PEAK1: variants seen among roughly 807,000 people sequenced by gnomAD.
The protein encoded by PEAK1 is pseudopodium enriched atypical kinase 1.
A neutral mutation model predicts 124.7 loss-of-function variants in PEAK1; 54 were observed. The observed-to-expected ratio is 0.43, with a 90% CI of 0.35 to 0.54. PEAK1 has a LOEUF of 0.54. Among genes scored for constraint, PEAK1 ranks in the 20% least tolerant of loss-of-function variants. The probability of loss-of-function intolerance (pLI) is 0.01; values close to 1 mark genes in which losing one functional copy is unlikely to be tolerated. For synonymous variants in PEAK1, 719 were observed against 760.0 expected, an observed-to-expected ratio of 0.95 and a Z score of 0.89; for missense variants, 2,046 against 2,134.5, an observed-to-expected ratio of 0.96 and a Z score of 0.82.
At position 77,113,555 on chromosome 15, in the gene PEAK1, T is replaced by C. The variant is rs2051109031; in HGVS notation, c.*601A>G. On this transcript the variant is annotated 3_prime_UTR_variant, in exon 10 of 10. Coordinates refer to ENST00000682557, the MANE Select transcript of PEAK1 (RefSeq NM_001385026.1). ...TACAGATAATGGCAATGAAAATGGGTCTATGACCCAAGGATGGGATCTCTC... is the reference window on the plus strand; with the variant it reads ...TACAGATAATGGCAATGAAAATGGGCCTATGACCCAAGGATGGGATCTCTC... The C allele has an allele frequency of 6.5e-6, 1 of 154,840 alleles. No homozygotes were observed. Among genetic ancestry groups the C allele is most frequent in the Non-Finnish European group, 1.4e-5 (1 of 69,822 alleles). The allele number at this position is 154,840 out of a possible 1,614,324, so 9.6% of individuals were successfully genotyped here.
intron 1 of PEAK1, among the ~76,000 whole-genome samples, chr15:77,371,756 C>G (rs2068657641): frequency 6.6e-6 from 1 of 152,152 alleles, no homozygotes; most frequent in South Asian, 2.1e-4. Flanking sequence ...GGTGCAGTGG[C>G]ACACACCTGT....
At chr15:77,389,937 T>G (rs533191133) in intron 1 of PEAK1, among the ~76,000 whole-genome samples, 1 of 152,322 alleles carries the variant, frequency 6.6e-6, no homozygotes, top group African/African-American at 2.4e-5. Flanking sequence ...ATTGCTGATT[T>G]GAAACAGAAT....
At position 77,133,699 on chromosome 15, in the gene PEAK1, C is replaced by T; in HGVS notation, c.3383G>A (p.Gly1128Glu). ...IPPKQPRQPK[G>E]AVDDAIAFGG... Reference sequence around the variant, plus strand: ...AAAGGCGATGGCATCGTCCACAGCTCCCTTGGGCTGTCGTGGCTGCTTGGG... The same window carrying T: ...AAAGGCGATGGCATCGTCCACAGCTTCCTTGGGCTGTCGTGGCTGCTTGGG... Residue 1128 changes from glycine (G) to glutamate (E), a missense_variant, in exon 9 of 10, where the codon GGA (glycine) becomes GAA (glutamate). Gly to Glu is a moderately conservative substitution (Grantham distance 98). Coordinates refer to ENST00000682557, the MANE Select transcript of PEAK1 (RefSeq NM_001385026.1). This position sits in a 1 kb window ranked among gnomAD's most constrained non-coding sequence, Gnocchi z 4.2. 1.9e-6 allele frequency: 3 copies of T among 1,613,684 alleles called. No individual in the cohort carries two copies. The highest frequency in any genetic ancestry group is 2.5e-6 in the Non-Finnish European group (3 of 1,179,794).
In PEAK1 at chr15:77,298,368, G is replaced by A. The variant is rs1470593348; in HGVS notation, c.-602-11864C>T. On this transcript the variant is annotated intron_variant, in intron 2 of 9. Coordinates refer to ENST00000682557, the MANE Select transcript of PEAK1 (RefSeq NM_001385026.1). ...CGAGTAGCTGGGACTACAGGCGCCC[G>A]CCACCACGCCCAGCTAATTTTTGGT... Among the ~76,000 whole-genome samples, 12 of 150,858 alleles carry A rather than the reference G, an allele frequency of 8.0e-5. No individual in the cohort carries two copies. The East Asian group carries it at 1.8e-3, about 23-fold the overall frequency.
At chr15:77,371,538 C>T (rs2068642772) in intron 1 of PEAK1, 7 of 785,664 alleles carry the variant, frequency 8.9e-6, no homozygotes, top group Non-Finnish European at 1.1e-5. Flanking sequence ...CCACCACCAC[C>T]ATCATCATCA....
At chr15:77,306,377 C>T (rs1375744831) in intron 2 of PEAK1, among the ~76,000 whole-genome samples, 3 of 152,100 alleles carry the variant, frequency 2.0e-5, no homozygotes, top group Non-Finnish European at 2.9e-5. Flanking sequence ...ATAACACTTG[C>T]ATTGTTTTTC....
At chr15:77,192,523 T>C (rs1322010265) in intron 6 of PEAK1, among the ~76,000 whole-genome samples, 1 of 152,234 alleles carries the variant, frequency 6.6e-6, no homozygotes, top group Admixed American at 6.5e-5. Flanking sequence ...AATAAAAATA[T>C]GCTGGGTCTT....
intron 8 of PEAK1, chr15:77,157,134 T>A (rs984008169): frequency 2.2e-4 from 33 of 152,208 alleles, no homozygotes; most frequent in African/African-American, 7.2e-4. Flanking sequence ...CTGGCCTTCT[T>A]AGGGACTCCT....
chr15:77,338,075 T>C (rs1242309306), intron 2 of PEAK1: 1 of 983,184 alleles, frequency 1.0e-6, no homozygotes, highest in Admixed American at 6.2e-5. Flanking sequence ...GCTATTGGAC[T>C]CAAACTGTAT....
chr15:77,349,434 A>G (rs1300883157), intron 2 of PEAK1: 3 of 981,200 alleles, frequency 3.1e-6, no homozygotes, highest in Non-Finnish European at 3.6e-6. Flanking sequence ...AAAAATGTTC[A>G]TAATAGGAGC....
chr15:77,401,598 A>C, intron 1 of PEAK1: 1 of 982,736 alleles, frequency 1.0e-6, no homozygotes, highest in African/African-American at 1.7e-5. Context: ...TAAACTCCCA[A>C]ATCAGCTACA....
chr15:77,413,733 C>T (rs574666048), intron 1 of PEAK1, among the ~76,000 whole-genome samples: 1 of 152,134 alleles, frequency 6.6e-6, no homozygotes. Context: ...AAGCATCGTA[C>T]CAATACTAAT....
intron 2 of PEAK1, chr15:77,352,759 G>C: frequency 1.0e-6 from 1 of 966,826 alleles, no homozygotes. Context: ...TTCCCTATAA[G>C]ACAGACATAC....
intron 6 of PEAK1, among the ~76,000 whole-genome samples, chr15:77,239,443 C>A (rs2060262405): frequency 6.6e-6 from 1 of 152,088 alleles, no homozygotes; most frequent in African/African-American, 2.4e-5. Context: ...TGACTTTAGG[C>A]AAAAACAACA....
intron 8 of PEAK1, among the ~76,000 whole-genome samples, chr15:77,137,148 A>G (rs2053404936): frequency 6.6e-6 from 1 of 152,204 alleles, no homozygotes; most frequent in South Asian, 2.1e-4. Flanking sequence ...GTTTCAGAGG[A>G]TGTATGAAAA....
chr15:77,197,323 G>C (rs1023038505), intron 6 of PEAK1, among the ~76,000 whole-genome samples: 3 of 152,078 alleles, frequency 2.0e-5, no homozygotes, highest in Non-Finnish European at 4.4e-5. Flanking sequence ...CATGACAAAG[G>C]CCATTTTATT....
Position 77,420,076 on chromosome 15 carries a change from C to G in PEAK1, c.-736G>C, listed in dbSNP as rs1332512366. The G allele has an allele frequency of 1.3e-5, 2 of 150,486 alleles. No homozygotes were observed. Among genetic ancestry groups the G allele is most frequent in the Non-Finnish European group, 3.0e-5 (2 of 67,632 alleles). 9.3% of individuals were successfully genotyped at this position (150,486 alleles called of 1,614,324 possible). ...CCCGTCCCCTTCCTGGTGACCACGG[C>G]CGCCGCCGCCGAGCAACTGACACTG... On this transcript the variant is annotated 5_prime_UTR_variant, in exon 1 of 10. Transcript: ENST00000682557.
At chr15:77,154,661 G>A (rs571141613) in intron 8 of PEAK1, among the ~76,000 whole-genome samples, 3 of 152,310 alleles carry the variant, frequency 2.0e-5, no homozygotes, top group Admixed American at 6.5e-5. Context: ...TCCTTCAGGA[G>A]CTCTTTCAGG....
intron 1 of PEAK1, among the ~76,000 whole-genome samples, chr15:77,407,932 C>T (rs71398954): frequency 9.4e-5 from 13 of 138,014 alleles, no homozygotes; most frequent in African/African-American, 3.3e-4. Flanking sequence ...TACATATATA[C>T]ACACATATAT....
Sources: allele counts gnomAD v4.1 joint callset (sites outside exome capture counted in the v4.1 genomes callset), GRCh38; gene constraint gnomAD v4.1.1; non-coding constraint Gnocchi (gnomAD v3.1); transcripts MANE v1.5; gene names NCBI Gene and HGNC (gene_info 2026-07-23, HGNC 2026-07-21).